LSM12: variants seen among roughly 807,000 people sequenced by gnomAD.
The protein encoded by LSM12 is protein LSM12.
For missense variants in LSM12, 108 were observed against 238.9 expected (o/e 0.45, Z 3.61); for synonymous variants, 74 against 87.3 (o/e 0.85, Z 0.85).
At chr17:44,040,599 G>A (rs2049474969) in intron 2 of LSM12, among the ~76,000 whole-genome samples, 2 of 152,100 alleles carry the variant, frequency 1.3e-5, no homozygotes, top group East Asian at 3.9e-4. Flanking sequence ...TAAGCACTAG[G>A]AAGAAAATAA....
At chr17:44,055,125 C>G (rs1039475410) in intron 2 of LSM12, among the ~76,000 whole-genome samples, 1 of 152,090 alleles carries the variant, frequency 6.6e-6, no homozygotes, top group African/African-American at 2.4e-5. Flanking sequence ...GCTGGGATTA[C>G]AGGTGTGAGC....
intron 2 of LSM12, among the ~76,000 whole-genome samples, chr17:44,041,279 AAAAAAAAACAAACACACACAC>A (rs1406752197): frequency 1.6e-5 from 2 of 127,780 alleles, no homozygotes; most frequent in African/African-American, 5.7e-5. Context: ...TCTTTAAAAA[AAAAAAAAACAAACACACACAC>A]ACACACACAC....
intron 2 of LSM12, among the ~76,000 whole-genome samples, chr17:44,063,399 G>C (rs1307582095): frequency 1.3e-5 from 2 of 152,012 alleles, no homozygotes; most frequent in East Asian, 3.9e-4. Flanking sequence ...AACCCTCCGA[G>C]AATCTGAAAA....
chr17:44,046,705 G>C (rs1354694444), intron 2 of LSM12, among the ~76,000 whole-genome samples: 1 of 105,774 alleles, frequency 9.5e-6, no homozygotes. Context: ...GCCAGACTCC[G>C]TCTCAAAAAA....
chr17:44,057,020 G>C (rs976536507), intron 2 of LSM12, among the ~76,000 whole-genome samples: 2 of 151,822 alleles, frequency 1.3e-5, no homozygotes, highest in East Asian at 2.0e-4. Flanking sequence ...GACGGACGTG[G>C]TGGGGCGCAC....
intron 2 of LSM12, among the ~76,000 whole-genome samples, chr17:44,056,000 G>C (rs1343784796): frequency 6.6e-6 from 1 of 151,794 alleles, no homozygotes; most frequent in East Asian, 1.9e-4. Context: ...GGGCGTGGTG[G>C]CTCATGCCTG....
intron 1 of LSM12, among the ~76,000 whole-genome samples, chr17:44,065,565 C>T (rs1434426975): frequency 6.6e-6 from 1 of 151,986 alleles, no homozygotes; most frequent in Non-Finnish European, 1.5e-5. Context: ...GGAAGTGTTT[C>T]ATTTCCAAGA....
At chr17:44,057,576 AT>A (rs2049734332) in intron 2 of LSM12, among the ~76,000 whole-genome samples, 1 of 150,414 alleles carries the variant, frequency 6.6e-6, no homozygotes, top group Non-Finnish European at 1.5e-5. Context: ...CCTGGCCAAG[AT>A]GGTGAAACCC....
In LSM12 at chr17:44,037,505, G is replaced by C; in HGVS notation, c.402C>G (p.Ile134Met). Residue 134 changes from isoleucine to methionine, a missense_variant, in exon 4 of 5, where the codon ATC becomes ATG. Transcript: ENST00000293406. ...TAATAACAACTTCTTCCATGACTAC[G>C]ATGTTTTTTTCTTGCCATTTACAGT... ...IKDCKWQEKNIVVMEEVVITP... is the reference protein window; with the variant it reads ...IKDCKWQEKNMVVMEEVVITP... 1 of 1,609,970 alleles carries C rather than the reference G, an allele frequency of 6.2e-7. No individual in the cohort carries two copies.
At chr17:44,041,334 A>AAACACACAC (rs2049491263) in intron 2 of LSM12, among the ~76,000 whole-genome samples, 56 of 104,586 alleles carry the variant, frequency 5.4e-4, no homozygotes, top group African/African-American at 1.3e-3. Flanking sequence ...CACACACACA[A>AAACACACAC]ACACACACAC....
chr17:44,047,292 A>G (rs574942397), intron 2 of LSM12, among the ~76,000 whole-genome samples: 30 of 151,710 alleles, frequency 2.0e-4, no homozygotes, highest in African/African-American at 6.8e-4. Context: ...TGTCACCCAG[A>G]CTGGAGTGCA....
intron 3 of LSM12, among the ~76,000 whole-genome samples, chr17:44,039,018 T>C (rs2049452392): frequency 6.6e-6 from 1 of 152,124 alleles, no homozygotes; most frequent in South Asian, 2.1e-4. Context: ...TTTCAGCAGC[T>C]AGGGAAGCTA....
Position 44,066,504 on chromosome 17 carries a change from C to T in LSM12, c.84G>A (p.Glu28=). The T allele has an allele frequency of 6.5e-7, 1 of 1,537,006 alleles. No homozygotes were observed. Among genetic ancestry groups the T allele is most frequent in the East Asian group, 2.6e-5 (1 of 38,048 alleles). The change falls in exon 1 of 5, where the codon GAG becomes GAA. Residue 28 remains glutamate (E), a synonymous_variant. Transcript: ENST00000293406. ...RTCQEQRLQG[E]VVAFDYQSKM... Reference sequence around the variant, plus strand: ...TGGATTGGTAGTCAAAGGCTACCACCTCGCCCTGCAGCCGCTGCTCCTGGC... The same window carrying T: ...TGGATTGGTAGTCAAAGGCTACCACTTCGCCCTGCAGCCGCTGCTCCTGGC...
intron 3 of LSM12, 50 bp from the exon 4 acceptor site, chr17:44,037,588 C>A: frequency 1.3e-6 from 2 of 1,531,382 alleles, no homozygotes; most frequent in Non-Finnish European, 8.7e-7. Context: ...GGGCATCCCA[C>A]ATCTCCTGTC....
intron 2 of LSM12, among the ~76,000 whole-genome samples, chr17:44,051,635 T>A (rs1201757644): frequency 6.6e-6 from 1 of 152,024 alleles, no homozygotes; most frequent in Non-Finnish European, 1.5e-5. Context: ...CTACTTGAAG[T>A]TCTGTTCTAG....
chr17:44,040,897 T>C (rs1164872118), intron 2 of LSM12, among the ~76,000 whole-genome samples: 2 of 150,728 alleles, frequency 1.3e-5, no homozygotes, highest in Middle Eastern at 3.5e-3. Context: ...AGGCAGAGAA[T>C]TGCTTGAACC....
upstream of LSM12, among the ~76,000 whole-genome samples, chr17:44,067,145 C>G (rs2049890968): frequency 1.3e-5 from 2 of 152,028 alleles, no homozygotes; most frequent in East Asian, 3.9e-4. Flanking sequence ...ACTAAAAATA[C>G]AAAAATTAGC....
intron 2 of LSM12, among the ~76,000 whole-genome samples, chr17:44,041,300 CA>C (rs1382633265): frequency 2.4e-5 from 3 of 124,978 alleles, no homozygotes; most frequent in African/African-American, 9.3e-5. Context: ...AACACACACA[CA>C]CACACACACA....
In LSM12 at chr17:44,040,205, C is replaced by T; in HGVS notation, c.310G>A (p.Ala104Thr). The T allele has an allele frequency of 6.2e-7, 1 of 1,614,046 alleles. No homozygotes were observed. Among genetic ancestry groups the T allele is most frequent in the Non-Finnish European group, 8.5e-7 (1 of 1,179,932 alleles). Reference sequence around the variant, plus strand: ...TCTAGAGAGACACCAGCACTGATTGCATAGGCCTGGCTCAGCTTCTCCTCC... The same window carrying T: ...TCTAGAGAGACACCAGCACTGATTGTATAGGCCTGGCTCAGCTTCTCCTCC... The part of the protein sequence containing the change: ...EKEEKLSQAY[A>T]ISAGVSLEGQ... The change falls in exon 3 of 5, where the codon GCA (alanine) becomes ACA (threonine). Residue 104 changes from alanine to threonine, a missense_variant. By Grantham distance (58) the Ala-to-Thr change is moderately conservative. Coordinates refer to ENST00000293406, the MANE Select transcript of LSM12 (RefSeq NM_001371445.1).
Sources: allele counts gnomAD v4.1 joint callset (sites outside exome capture counted in the v4.1 genomes callset), GRCh38; gene constraint gnomAD v4.1.1; transcripts MANE v1.5; gene names NCBI Gene and HGNC (gene_info 2026-07-23, HGNC 2026-07-21).